LRRC37A2: variants seen among roughly 807,000 people sequenced by gnomAD.
LRRC37A2 encodes the protein leucine rich repeat containing 37 member A2, also known as leucine-rich repeat-containing protein 37A2.
A neutral mutation model predicts 68.8 loss-of-function variants in LRRC37A2; 9 were observed. That is an observed-to-expected ratio of 0.13 (90% CI 0.08 to 0.23). The LOEUF is 0.23. LRRC37A2 is among the 10% of genes least tolerant of loss of function. The probability of loss-of-function intolerance (pLI) is 1.00; values close to 1 mark genes in which losing one functional copy is unlikely to be tolerated. For synonymous variants in LRRC37A2, 63 were observed against 367.6 expected (o/e 0.17, Z 9.48); for missense variants, 168 against 950.4 (o/e 0.18, Z 10.82).
the LRRC37A2 span, among the ~76,000 whole-genome samples, chr17:46,874,062 G>A: frequency 7.9e-5 from 12 of 151,858 alleles, no homozygotes; most frequent in South Asian, 4.2e-4. Flanking sequence ...TGCTCTCCAC[G>A]GTCTGCAGCC....
the LRRC37A2 span, among the ~76,000 whole-genome samples, chr17:46,825,518 C>T: frequency 1.3e-5 from 2 of 152,360 alleles, no homozygotes; most frequent in South Asian, 2.1e-4. Context: ...TCCTTATAAC[C>T]CAGCTCCGGT....
chr17:46,981,737 C>T, the LRRC37A2 span, among the ~76,000 whole-genome samples: 6 of 152,128 alleles, frequency 3.9e-5, no homozygotes, highest in Admixed American at 1.3e-4. Flanking sequence ...GACAGGATCT[C>T]GCTCTGTTGC....
the LRRC37A2 span, among the ~76,000 whole-genome samples, chr17:46,882,170 T>C: frequency 6.6e-6 from 1 of 152,124 alleles, no homozygotes; most frequent in East Asian, 1.9e-4. Context: ...AAATTAAAAT[T>C]AAAAAATTTT....
the LRRC37A2 span, among the ~76,000 whole-genome samples, chr17:46,716,747 A>T: frequency 1.5e-3 from 224 of 152,338 alleles, no homozygotes; most frequent in African/African-American, 5.2e-3. Context: ...AGAAAATAAC[A>T]ATAAATTCAT....
the LRRC37A2 span, among the ~76,000 whole-genome samples, chr17:46,928,014 G>A: frequency 6.6e-6 from 1 of 152,032 alleles, no homozygotes; most frequent in Admixed American, 6.5e-5. Context: ...CTGTTCCCTT[G>A]GTTGCCCTGC....
At chr17:46,741,084 A>G in the LRRC37A2 span, among the ~76,000 whole-genome samples, 1 of 152,154 alleles carries the variant, frequency 6.6e-6, no homozygotes, top group African/African-American at 2.4e-5. Flanking sequence ...ACAAATAAAA[A>G]CAGTAGACAG....
chr17:46,739,539 C>T, the LRRC37A2 span, among the ~76,000 whole-genome samples: 7 of 151,578 alleles, frequency 4.6e-5, no homozygotes, highest in Non-Finnish European at 8.8e-5. Flanking sequence ...GACCTTGTCT[C>T]GAAAAAAACA....
the LRRC37A2 span, chr17:46,872,799 G>C: frequency 3.0e-6 from 4 of 1,314,016 alleles, no homozygotes; most frequent in Non-Finnish European, 4.3e-6. Flanking sequence ...AGGGGACGGG[G>C]AGGGCTGGGG....
the LRRC37A2 span, among the ~76,000 whole-genome samples, chr17:46,758,298 T>C: frequency 7.9e-5 from 12 of 152,036 alleles, no homozygotes; most frequent in African/African-American, 1.4e-4. Flanking sequence ...AGAGGCCAGC[T>C]TCAAGAACTT....
chr17:47,005,441 T>C, the LRRC37A2 span, among the ~76,000 whole-genome samples: 1 of 151,848 alleles, frequency 6.6e-6, no homozygotes, highest in Non-Finnish European at 1.5e-5. Flanking sequence ...AAGGCAGTGA[T>C]AGCCCTCTGC....
the LRRC37A2 span, among the ~76,000 whole-genome samples, chr17:46,980,528 GAATCAA>G: frequency 1.3e-5 from 2 of 151,666 alleles, no homozygotes; most frequent in Non-Finnish European, 2.9e-5. Flanking sequence ...TGGACCTGTA[GAATCAA>G]AAAGTAGGCC....
chr17:46,726,566 C>T, the LRRC37A2 span: 1 of 1,613,952 alleles, frequency 6.2e-7, no homozygotes, highest in Admixed American at 1.7e-5. Context: ...ATGATGCGTA[C>T]AAATCCCAGC....
At chr17:47,048,530 CTT>C in the LRRC37A2 span, among the ~76,000 whole-genome samples, 2 of 113,348 alleles carry the variant, frequency 1.8e-5, no homozygotes, top group Admixed American at 2.0e-4. Flanking sequence ...TTGAAAAACT[CTT>C]AACATACACC....
At chr17:46,414,149 ATTC>A in the LRRC37A2 span, among the ~76,000 whole-genome samples, 1 of 59,450 alleles carries the variant, frequency 1.7e-5, no homozygotes, top group Admixed American at 1.8e-4. Flanking sequence ...TTATAAAAGC[ATTC>A]TTCTGCTAAC....
chr17:46,963,065 G>C, the LRRC37A2 span, among the ~76,000 whole-genome samples: 1 of 152,218 alleles, frequency 6.6e-6, no homozygotes, highest in Non-Finnish European at 1.5e-5. Context: ...GTCTTGATAA[G>C]GGACTTCACA....
chr17:46,843,149 G>C, the LRRC37A2 span, among the ~76,000 whole-genome samples: 1 of 152,166 alleles, frequency 6.6e-6, no homozygotes, highest in Non-Finnish European at 1.5e-5. Context: ...GAGAAACTAG[G>C]GTAGATATTA....
At chr17:46,967,297 C>G in the LRRC37A2 span, among the ~76,000 whole-genome samples, 1 of 152,358 alleles carries the variant, frequency 6.6e-6, no homozygotes, top group South Asian at 2.1e-4. Flanking sequence ...GTCTCTTACC[C>G]TTGCTGGGCT....
the LRRC37A2 span, among the ~76,000 whole-genome samples, chr17:46,712,971 G>A: frequency 1.3e-5 from 2 of 152,146 alleles, no homozygotes; most frequent in African/African-American, 4.8e-5. Context: ...GATCATTTGT[G>A]ACCTTGATGG....
At chr17:47,019,546 G>A in the LRRC37A2 span, 15 of 1,495,238 alleles carry the variant, frequency 1.0e-5, 1 homozygote, top group Admixed American at 3.3e-5. Context: ...ACTCTGCATC[G>A]AAAACTGACT....
Sources: gnomAD v4.1 joint callset for allele counts (sites outside exome capture counted in the v4.1 genomes callset) on GRCh38, gnomAD v4.1.1 for gene constraint, MANE v1.5 for transcripts, NCBI Gene and HGNC (gene_info 2026-07-23, HGNC 2026-07-21) for gene names.